The following CD247 variants were observed in gnomAD, a reference collection of about 807,000 sequenced individuals.
The protein encoded by CD247 is CD247 molecule.
CD247 carries 13 observed loss-of-function variants against 30.0 expected under a neutral mutation model. The ratio of observed to expected loss-of-function variants is 0.43; its 90% CI spans 0.28 to 0.69. The LOEUF (loss-of-function observed/expected upper bound fraction) is 0.69. Among genes scored for constraint, CD247 ranks in the 30% least tolerant of loss-of-function variants. CD247 has a pLI of 0.16. For missense variants in CD247, 193 were observed against 212.6 expected (o/e 0.91, Z 0.57); for synonymous variants, 72 against 80.0 (o/e 0.90, Z 0.53).
At chr1:167,463,256 G>T (rs1242515161) in intron 1 of CD247, among the ~76,000 whole-genome samples, 1 of 152,148 alleles carries the variant, frequency 6.6e-6, no homozygotes, top group Non-Finnish European at 1.5e-5. Flanking sequence ...GGGCCAGCAA[G>T]CCTTTCTTAG....
intron 1 of CD247, chr1:167,457,630 C>T (rs373999755): frequency 3.3e-5 from 5 of 152,414 alleles, no homozygotes; most frequent in African/African-American, 1.2e-4. Flanking sequence ...GCTCTCCATC[C>T]AGATACTGTC....
intron 1 of CD247, among the ~76,000 whole-genome samples, chr1:167,510,934 C>T (rs1040915537): frequency 6.6e-6 from 1 of 152,096 alleles, no homozygotes; most frequent in Non-Finnish European, 1.5e-5. Flanking sequence ...TGGGGGTGGC[C>T]CACTAAGAGT....
At chr1:167,434,575 C>T (rs1002983420) in intron 5 of CD247, 6 of 361,504 alleles carry the variant, frequency 1.7e-5, no homozygotes, top group African/African-American at 8.6e-5. Context: ...TTCAGGGTCA[C>T]ACCCAGGAGG....
At chr1:167,508,715 T>C (rs1048337165) in intron 1 of CD247, among the ~76,000 whole-genome samples, 4 of 152,184 alleles carry the variant, frequency 2.6e-5, no homozygotes, top group Admixed American at 2.6e-4. Flanking sequence ...GACTCAAAAG[T>C]CCTGGGTGGT....
At chr1:167,515,040 G>A (rs1655542130) in intron 1 of CD247, among the ~76,000 whole-genome samples, 2 of 152,222 alleles carry the variant, frequency 1.3e-5, no homozygotes, top group South Asian at 4.1e-4. Flanking sequence ...TCTGGGGGAT[G>A]CTTAGCAGAA....
intron 1 of CD247, among the ~76,000 whole-genome samples, chr1:167,482,888 G>A (rs560732245): frequency 6.6e-6 from 1 of 152,138 alleles, no homozygotes; most frequent in South Asian, 2.1e-4. Context: ...TGGGGAGGGG[G>A]AAGGTCTGGG....
rs372665461 is a variant in CD247, at chr1:167,434,048, G to C, written c.365C>G (p.Ala122Gly). Residue 122 changes from alanine to glycine, a missense_variant, in exon 6 of 8, where the codon GCC becomes GGC. Transcript: ENST00000362089. ...NELQKDKMAE[A>G]YSEIGMKGER... ...GCCTTTCATCCCAATCTCACTGTAG[G>C]CCTCCGCCATCTTATCTTTCTGCAG... 4.3e-6 allele frequency: 7 copies of C among 1,613,974 alleles called. No individual in the cohort carries two copies. In the African/African-American group the frequency reaches 9.3e-5, roughly 22 times the overall value.
At chr1:167,480,953 C>T (rs1039674074) in intron 1 of CD247, among the ~76,000 whole-genome samples, 17 of 152,166 alleles carry the variant, frequency 1.1e-4, no homozygotes, top group African/African-American at 4.1e-4. Flanking sequence ...GTCTTAGATT[C>T]GCTTTCTAGT....
chr1:167,472,146 T>C (rs1653559601), intron 1 of CD247, among the ~76,000 whole-genome samples: 1 of 152,336 alleles, frequency 6.6e-6, no homozygotes, highest in African/African-American at 2.4e-5. Context: ...AAATGATTTC[T>C]AAGAGCGTGT....
At chr1:167,459,136 A>C (rs7549532) in intron 1 of CD247, among the ~76,000 whole-genome samples, 7,551 of 147,496 alleles carry the variant, frequency 0.051, 275 homozygotes, top group African/African-American at 0.11. Flanking sequence ...CTGTGTCTCA[A>C]AAATTTTAAA....
intron 1 of CD247, among the ~76,000 whole-genome samples, chr1:167,482,603 C>T (rs1654018447): frequency 6.6e-6 from 1 of 152,234 alleles, no homozygotes; most frequent in South Asian, 2.1e-4. Context: ...CGTGACTCCA[C>T]AGCAGGGGAG....
intron 1 of CD247, among the ~76,000 whole-genome samples, chr1:167,469,758 G>C (rs188426946): frequency 1.3e-5 from 2 of 151,972 alleles, no homozygotes; most frequent in Non-Finnish European, 2.9e-5. Flanking sequence ...CCTGTGATTG[G>C]CCTCCTATGG....
chr1:167,504,321 C>T (rs957432022), intron 1 of CD247, among the ~76,000 whole-genome samples: 1 of 152,262 alleles, frequency 6.6e-6, no homozygotes, highest in Non-Finnish European at 1.5e-5. Context: ...GCATATCCCT[C>T]TCCTCTAGAA....
chr1:167,518,278 C>T, intron 1 of CD247, 130 bp downstream of exon 1: 1 of 842,680 alleles, frequency 1.2e-6, no homozygotes, highest in South Asian at 1.4e-5. Flanking sequence ...CTCACTTGCC[C>T]ATTGATTTGA....
intron 4 of CD247, among the ~76,000 whole-genome samples, chr1:167,438,278 G>A (rs1422707120): frequency 5.9e-5 from 9 of 152,232 alleles, no homozygotes; most frequent in Admixed American, 5.2e-4. Context: ...TGGCGTCACC[G>A]TATGTGCATC....
chr1:167,436,926 C>CA (rs1165961300), intron 4 of CD247, among the ~76,000 whole-genome samples: 1 of 152,076 alleles, frequency 6.6e-6, no homozygotes, highest in African/African-American at 2.4e-5. Flanking sequence ...TGAGGCTCCA[C>CA]AAAAAACTAA....
intron 1 of CD247, among the ~76,000 whole-genome samples, chr1:167,506,892 A>ATTTTTTTTTTTTTTTTTTTTTTTTTTTTT: frequency 1.0e-5 from 1 of 97,984 alleles, no homozygotes; most frequent in Non-Finnish European, 1.9e-5. Flanking sequence ...GTTCCCTCTG[A>ATTTTTTTTTTTTTTTTTTTTTTTTTTTTT]TTTTTTTTTT....
chr1:167,459,079 G>A (rs1652867262), intron 1 of CD247, among the ~76,000 whole-genome samples: 1 of 151,314 alleles, frequency 6.6e-6, no homozygotes, highest in East Asian at 2.0e-4. Context: ...AGGTTGCGGT[G>A]AGCCGAGATC....
At chr1:167,475,406 T>C (rs1424276376) in intron 1 of CD247, among the ~76,000 whole-genome samples, 1 of 152,118 alleles carries the variant, frequency 6.6e-6, no homozygotes, top group Non-Finnish European at 1.5e-5. Context: ...AGGGAAGAAA[T>C]CGAACACTTA....
Sources: gnomAD v4.1 joint callset for allele counts (sites outside exome capture counted in the v4.1 genomes callset) on GRCh38, gnomAD v4.1.1 for gene constraint, MANE v1.5 for transcripts, NCBI Gene and HGNC (gene_info 2026-07-23, HGNC 2026-07-21) for gene names.